The following EDIL3 variants were observed in gnomAD, a reference collection of about 807,000 sequenced individuals.
The protein encoded by EDIL3 is EGF like and discoidin domains 3.
EDIL3 carries 37 observed loss-of-function variants against 67.4 expected under a neutral mutation model. The ratio of observed to expected loss-of-function variants is 0.55; its 90% CI spans 0.42 to 0.72. The LOEUF (loss-of-function observed/expected upper bound fraction) is 0.72. EDIL3 is among the 30% of genes least tolerant of loss of function. EDIL3 has a pLI of 0.00. For synonymous variants in EDIL3, 195 were observed against 196.3 expected (o/e 0.99, Z 0.05); for missense variants, 527 against 586.3 (o/e 0.90, Z 1.04).
chr5:84,017,235 A>G (rs1487215372), intron 9 of EDIL3, among the ~76,000 whole-genome samples: 3 of 152,166 alleles, frequency 2.0e-5, no homozygotes, highest in Admixed American at 6.6e-5. Context: ...GTAGAAACAT[A>G]GGGTAGTGTT....
At chr5:84,334,033 G>T (rs2386433) in intron 1 of EDIL3, among the ~76,000 whole-genome samples, 15 of 150,884 alleles carry the variant, frequency 9.9e-5, no homozygotes, top group Admixed American at 2.0e-4. Flanking sequence ...ATGTAAGAAC[G>T]ATGCCCTTAC....
intron 5 of EDIL3, among the ~76,000 whole-genome samples, chr5:84,109,320 A>T (rs1163076068): frequency 2.0e-5 from 3 of 151,946 alleles, no homozygotes; most frequent in African/African-American, 7.2e-5. Context: ...AGACTGACCA[A>T]CATGGTGAAA....
At chr5:84,015,733 A>G (rs1745594228) in intron 9 of EDIL3, among the ~76,000 whole-genome samples, 2 of 152,192 alleles carry the variant, frequency 1.3e-5, no homozygotes, top group African/African-American at 2.4e-5. Flanking sequence ...GGTTTTCATC[A>G]GCTCTAAAAC....
At chr5:84,271,522 T>A (rs986213764) in intron 1 of EDIL3, among the ~76,000 whole-genome samples, 15 of 152,012 alleles carry the variant, frequency 9.9e-5, no homozygotes, top group Non-Finnish European at 2.1e-4. Flanking sequence ...GTTCACAGGA[T>A]CCCTTATAAA....
intron 9 of EDIL3, among the ~76,000 whole-genome samples, chr5:84,044,155 G>T (rs1430273834): frequency 6.6e-6 from 1 of 152,106 alleles, no homozygotes; most frequent in Non-Finnish European, 1.5e-5. Flanking sequence ...AGAATATGCG[G>T]TGTTTGGTTT....
chr5:84,077,444 G>T (rs988525853), intron 6 of EDIL3, among the ~76,000 whole-genome samples: 3 of 152,130 alleles, frequency 2.0e-5, no homozygotes, highest in Admixed American at 2.0e-4. Context: ...AAGAAAAAGA[G>T]GTTTAATGGA....
chr5:84,159,832 C>T (rs1561448993), intron 4 of EDIL3, among the ~76,000 whole-genome samples: 1 of 151,958 alleles, frequency 6.6e-6, no homozygotes, highest in African/African-American at 2.4e-5. Context: ...TAATGGTGGA[C>T]GTAAACACAT....
intron 4 of EDIL3, among the ~76,000 whole-genome samples, chr5:84,141,926 C>CATATATATATATATATATATATACACAT (rs145638622): frequency 4.8e-5 from 6 of 124,914 alleles, no homozygotes. Context: ...TATATATACA[C>CATATATATATATATATATATATACACAT]ATATATATAT....
At position 84,303,552 on chromosome 5, in the gene EDIL3, G is replaced by A. The variant is rs544228235; in HGVS notation, c.68-49340C>T. ...CATGGATTAGTCATTCTGATTTCAC[G>A]CGTACTAGTCTGCACTCCCCAATGA... On this transcript the variant is annotated intron_variant, in intron 1 of 10. Coordinates refer to ENST00000296591, the MANE Select transcript of EDIL3 (RefSeq NM_005711.5). Among the ~76,000 whole-genome samples, 41 of 152,142 alleles carry A rather than the reference G, an allele frequency of 2.7e-4. 1 individual carries two copies. In the South Asian group the frequency reaches 7.3e-3, roughly 27 times the overall value.
chr5:84,095,471 T>A (rs1747245187), intron 6 of EDIL3, among the ~76,000 whole-genome samples: 1 of 152,094 alleles, frequency 6.6e-6, no homozygotes, highest in Admixed American at 6.5e-5. Flanking sequence ...CAGATGGAGA[T>A]GAGGAACTTG....
intron 1 of EDIL3, among the ~76,000 whole-genome samples, chr5:84,328,213 A>G (rs890714072): frequency 6.6e-6 from 1 of 152,062 alleles, no homozygotes; most frequent in African/African-American, 2.4e-5. Context: ...CCACAATCCT[A>G]TTCTATATAA....
rs1441813664 is a variant in EDIL3 at position 84,180,522 on chromosome 5, C to T, written c.227-1G>A. The T allele has an allele frequency of 6.4e-7, 1 of 1,560,822 alleles. No homozygotes were observed. Among genetic ancestry groups the T allele is most frequent in the Admixed American group, 2.1e-5 (1 of 47,378 alleles). ...TGGCATGGATTAGGAGTGCAGGGAC[C>T]TGAAAGACAGAAAAAAATATTTCTG... On this transcript the variant is annotated splice_acceptor_variant, in intron 3 of 10. Coordinates refer to ENST00000296591, the MANE Select transcript of EDIL3 (RefSeq NM_005711.5). LOFTEE classifies it high-confidence loss of function.
intron 1 of EDIL3, among the ~76,000 whole-genome samples, chr5:84,281,215 T>C (rs1049251106): frequency 6.6e-6 from 1 of 152,280 alleles, no homozygotes; most frequent in East Asian, 1.9e-4. Flanking sequence ...TTTACTGTGA[T>C]CAACAGAATT....
chr5:84,028,796 G>A (rs1021108676), intron 9 of EDIL3, among the ~76,000 whole-genome samples: 27 of 151,726 alleles, frequency 1.8e-4, no homozygotes, highest in African/African-American at 6.3e-4. Context: ...ATATTGCTTT[G>A]TACAATCTCA....
intron 5 of EDIL3, among the ~76,000 whole-genome samples, chr5:84,115,720 C>T (rs1418549869): frequency 6.6e-6 from 1 of 152,176 alleles, no homozygotes; most frequent in Non-Finnish European, 1.5e-5. Context: ...AAACATTTGT[C>T]TGTAAAGTCA....
chr5:84,208,288 C>G (rs1744029535), intron 3 of EDIL3, among the ~76,000 whole-genome samples: 1 of 152,110 alleles, frequency 6.6e-6, no homozygotes, highest in Non-Finnish European at 1.5e-5. Context: ...CCAAAAGACA[C>G]ATGAAAAAAT....
intron 1 of EDIL3, among the ~76,000 whole-genome samples, chr5:84,328,337 A>G (rs934669383): frequency 5.3e-5 from 8 of 151,986 alleles, no homozygotes; most frequent in Admixed American, 1.3e-4. Context: ...GTTATACCCA[A>G]AATGCTTCCC....
chr5:83,955,200 T>C (rs767882033), intron 10 of EDIL3, among the ~76,000 whole-genome samples: 9 of 151,758 alleles, frequency 5.9e-5, no homozygotes, highest in Non-Finnish European at 8.8e-5. Context: ...ATTTTAAGTG[T>C]ACACGTTTTT....
chr5:84,009,677 C>T (rs1052918369), intron 9 of EDIL3, among the ~76,000 whole-genome samples: 1 of 152,064 alleles, frequency 6.6e-6, no homozygotes, highest in Non-Finnish European at 1.5e-5. Context: ...TGTCATGAGT[C>T]GCTGCTACAC....
Sources: allele counts gnomAD v4.1 joint callset (sites outside exome capture counted in the v4.1 genomes callset), GRCh38; gene constraint gnomAD v4.1.1; transcripts MANE v1.5; gene names NCBI Gene and HGNC (gene_info 2026-07-23, HGNC 2026-07-21).